FAF1: variants seen among roughly 807,000 people sequenced by gnomAD.
The protein encoded by FAF1 is Fas associated factor 1, also known as FAS-associated factor 1.
Under a neutral mutation model 92.5 loss-of-function variants are expected in FAF1, and 25 were observed. That is an observed-to-expected ratio of 0.27 (90% CI 0.20 to 0.38). The LOEUF (loss-of-function observed/expected upper bound fraction) is 0.38, where lower values mean the gene tolerates loss of function less well. Among genes scored for constraint, FAF1 ranks in the 10% least tolerant of loss-of-function variants. FAF1 has a pLI of 1.00. For missense variants in FAF1, 636 were observed against 793.3 expected (o/e 0.80, Z 2.38); for synonymous variants, 234 against 273.2 (o/e 0.86, Z 1.42).
At chr1:50,599,020 C>G (rs1651967795) in intron 8 of FAF1, among the ~76,000 whole-genome samples, 1 of 152,094 alleles carries the variant, frequency 6.6e-6, no homozygotes, top group South Asian at 2.1e-4. Flanking sequence ...ACTACAGGCA[C>G]AGGGTTCTTG....
intron 1 of FAF1, among the ~76,000 whole-genome samples, chr1:50,895,762 A>T (rs1644753026): frequency 6.6e-6 from 1 of 152,190 alleles, no homozygotes; most frequent in Admixed American, 6.5e-5. Flanking sequence ...TATGTGACAC[A>T]TCATATCGAC....
At chr1:50,879,471 T>C (rs1644594913) in intron 1 of FAF1, among the ~76,000 whole-genome samples, 2 of 152,166 alleles carry the variant, frequency 1.3e-5, no homozygotes, top group South Asian at 4.1e-4. Context: ...AAATAATTGC[T>C]ATAATATATG....
At chr1:50,831,235 G>A (rs12062764) in intron 2 of FAF1, among the ~76,000 whole-genome samples, 17,857 of 152,016 alleles carry the variant, frequency 0.12, 1,269 homozygotes, top group African/African-American at 0.2. Context: ...AGTGCACTCC[G>A]TGATCCAGCA....
chr1:50,753,992 G>A (rs529535913), intron 4 of FAF1, among the ~76,000 whole-genome samples: 7 of 151,956 alleles, frequency 4.6e-5, no homozygotes, highest in Non-Finnish European at 7.4e-5. Flanking sequence ...TCCTGATCTC[G>A]TGATACGCCC....
At chr1:50,920,119 G>A (rs1476234270) in intron 1 of FAF1, among the ~76,000 whole-genome samples, 1 of 151,924 alleles carries the variant, frequency 6.6e-6, no homozygotes, top group Non-Finnish European at 1.5e-5. Flanking sequence ...AGCCAACATG[G>A]TGAAACCCTG....
At chr1:50,687,808 C>T (rs529242948) in intron 7 of FAF1, among the ~76,000 whole-genome samples, 21 of 151,672 alleles carry the variant, frequency 1.4e-4, no homozygotes, top group East Asian at 3.9e-4. Flanking sequence ...GCCAGAACCA[C>T]GATCAGATAC....
rs1243610205 is a variant in FAF1, at chr1:50,781,373, C to T, written c.367+6627G>A. Among the ~76,000 whole-genome samples the T allele has an allele frequency of 6.6e-5, 10 of 150,886 alleles. No individual in the cohort carries two copies. In the South Asian group the frequency reaches 8.4e-4, roughly 13 times the overall value. ...TAGGGGGTGTCATATTTATATCAAA[C>T]GAAATAGAGTTTAAGTAAAAAACTG... On this transcript the variant is annotated intron_variant, in intron 4 of 18. Coordinates refer to ENST00000396153, the MANE Select transcript of FAF1 (RefSeq NM_007051.3).
chr1:50,888,169 GCT>G (rs745371639), intron 1 of FAF1, among the ~76,000 whole-genome samples: 1 of 151,590 alleles, frequency 6.6e-6, no homozygotes. Context: ...TCATGATTTG[GCT>G]CTGTTTGTCT....
At chr1:50,582,533 C>A in intron 12 of FAF1, 85 bp downstream of exon 12, 1 of 861,738 alleles carries the variant, frequency 1.2e-6, no homozygotes, top group Non-Finnish European at 1.9e-6. Context: ...AAAACAAAAA[C>A]AGAAAACATT....
chr1:50,490,698 A>G, intron 16 of FAF1, 33 bp from the exon 17 acceptor site: 1 of 1,233,056 alleles, frequency 8.1e-7, no homozygotes, highest in Non-Finnish European at 1.2e-6. Context: ...ACAAGCACTT[A>G]ACACATACTT....
At chr1:50,674,308 A>T (rs1017157385) in intron 7 of FAF1, among the ~76,000 whole-genome samples, 5 of 152,042 alleles carry the variant, frequency 3.3e-5, no homozygotes, top group Admixed American at 6.6e-5. Context: ...CTGAAACTGG[A>T]AAACTCTGTT....
chr1:50,460,806 A>ATATG (rs1229616401), intron 18 of FAF1, among the ~76,000 whole-genome samples: 1 of 141,568 alleles, frequency 7.1e-6, no homozygotes, highest in Non-Finnish European at 1.5e-5. Flanking sequence ...AAGTATTTGT[A>ATATG]TATGTGTGTG....
chr1:50,735,609 GT>G (rs1303840298), intron 6 of FAF1, among the ~76,000 whole-genome samples: 3 of 152,084 alleles, frequency 2.0e-5, no homozygotes, highest in African/African-American at 7.2e-5. Context: ...TTGTTTTCTT[GT>G]TTTTTAACAG....
At chr1:50,724,276 T>TATACAC (rs1553132384) in intron 6 of FAF1, among the ~76,000 whole-genome samples, 32 of 114,902 alleles carry the variant, frequency 2.8e-4, no homozygotes, top group African/African-American at 1.1e-3. Context: ...TATATACATA[T>TATACAC]ACACACACAC....
At chr1:50,900,833 A>ATG (rs1644790543) in intron 1 of FAF1, among the ~76,000 whole-genome samples, 1 of 152,120 alleles carries the variant, frequency 6.6e-6, no homozygotes, top group Admixed American at 6.5e-5. Flanking sequence ...AATTCTATTT[A>ATG]TGTGTGTGTG....
intron 7 of FAF1, among the ~76,000 whole-genome samples, chr1:50,666,689 C>A (rs937732541): frequency 2.6e-5 from 4 of 152,104 alleles, no homozygotes; most frequent in African/African-American, 7.2e-5. Context: ...TTGAGACCAG[C>A]CTGGCCAACA....
chr1:50,475,926 A>G (rs1316290781), intron 17 of FAF1, among the ~76,000 whole-genome samples: 2 of 152,208 alleles, frequency 1.3e-5, no homozygotes, highest in East Asian at 3.8e-4. Flanking sequence ...AATATATAGG[A>G]AACTACACAG....
intron 1 of FAF1, among the ~76,000 whole-genome samples, chr1:50,905,594 T>A (rs568854374): frequency 9.6e-4 from 146 of 152,344 alleles, no homozygotes; most frequent in African/African-American, 3.2e-3. Flanking sequence ...TGAGATGGTA[T>A]CTGATTGTGG....
chr1:50,710,951 C>T (rs547139531), intron 6 of FAF1, among the ~76,000 whole-genome samples: 5 of 148,490 alleles, frequency 3.4e-5, no homozygotes, highest in African/African-American at 1.2e-4. Flanking sequence ...GCACTGTCAC[C>T]CAGGCTGGAG....
Sources: allele counts gnomAD v4.1 joint callset (sites outside exome capture counted in the v4.1 genomes callset), GRCh38; gene constraint gnomAD v4.1.1; transcripts MANE v1.5; gene names NCBI Gene and HGNC (gene_info 2026-07-23, HGNC 2026-07-21).